The following PLCG2 variants were observed in gnomAD, a reference collection of about 807,000 sequenced individuals.
The protein encoded by PLCG2 is 1-phosphatidylinositol 4,5-bisphosphate phosphodiesterase gamma-2.
In PLCG2, 69 loss-of-function variants were observed where a neutral mutation model predicts 175.6. That is an observed-to-expected ratio of 0.39 (90% CI 0.32 to 0.48). The LOEUF is 0.48. Among genes scored for constraint, PLCG2 ranks in the 20% least tolerant of loss-of-function variants. The pLI, the probability that PLCG2 is intolerant of heterozygous loss-of-function variation, is 0.91. For missense variants in PLCG2, 1,798 were observed against 1,650.9 expected, an observed-to-expected ratio of 1.09 and a Z score of -1.54; for synonymous variants, 827 against 624.0, an observed-to-expected ratio of 1.33 and a Z score of -4.85.
At chr16:81,853,766 T>C (rs1427762981) in intron 2 of PLCG2, among the ~76,000 whole-genome samples, 1 of 152,144 alleles carries the variant, frequency 6.6e-6, no homozygotes, top group African/African-American at 2.4e-5. Flanking sequence ...CAGCTGGCTA[T>C]ATAAGGCATA....
chr16:81,852,936 T>C (rs971037356), intron 2 of PLCG2, among the ~76,000 whole-genome samples: 5 of 152,160 alleles, frequency 3.3e-5, no homozygotes, highest in South Asian at 4.1e-4. Context: ...TAGGGCTAAC[T>C]TGGGCTTCTT....
intron 2 of PLCG2, among the ~76,000 whole-genome samples, chr16:81,811,745 A>G (rs9806889): frequency 0.69 from 105,560 of 152,090 alleles, 37,138 homozygotes; most frequent in East Asian, 0.91. Flanking sequence ...TATATGTGCC[A>G]CATTTTCTTT....
upstream of PLCG2, among the ~76,000 whole-genome samples, chr16:81,778,055 C>A (rs866782684): frequency 0.027 from 1,549 of 56,468 alleles, 123 homozygotes; most frequent in African/African-American, 0.11. Flanking sequence ...AAAAAAAAAA[C>A]AAAAAAAACC....
At chr16:81,782,698 C>G (rs910723819) in intron 1 of PLCG2, among the ~76,000 whole-genome samples, 1 of 152,200 alleles carries the variant, frequency 6.6e-6, no homozygotes, top group Non-Finnish European at 1.5e-5. Context: ...AAGTTTTTCT[C>G]TTCAGTGCTC....
At chr16:81,793,731 C>G (rs1341228503) in intron 2 of PLCG2, among the ~76,000 whole-genome samples, 1 of 152,110 alleles carries the variant, frequency 6.6e-6, no homozygotes, top group Non-Finnish European at 1.5e-5. Context: ...TCACTGTGTC[C>G]TAGTCTCTGT....
chr16:81,739,443 G>A (rs528577477), intron 1 of PLCG2: 2 of 152,136 alleles, frequency 1.3e-5, no homozygotes, highest in East Asian at 1.9e-4. Flanking sequence ...CCTGGTAAGT[G>A]GCCTCTATTT....
intron 1 of PLCG2, among the ~76,000 whole-genome samples, chr16:81,754,244 C>T (rs898148147): frequency 1.3e-5 from 2 of 150,360 alleles, no homozygotes; most frequent in East Asian, 4.0e-4. Flanking sequence ...TCCACCCATC[C>T]CCACCTCCTT....
chr16:81,871,613 C>A (rs1036669543), intron 7 of PLCG2, among the ~76,000 whole-genome samples: 3 of 152,176 alleles, frequency 2.0e-5, no homozygotes, highest in Non-Finnish European at 4.4e-5. Context: ...GCTGGGATTA[C>A]AGGTGTGAGC....
chr16:81,951,899 T>C (rs544582942), intron 31 of PLCG2, among the ~76,000 whole-genome samples: 24 of 152,356 alleles, frequency 1.6e-4, no homozygotes, highest in Admixed American at 5.9e-4. Flanking sequence ...TATACAAATT[T>C]AAACTGTACA....
chr16:81,840,557 C>G (rs375339276), intron 2 of PLCG2, among the ~76,000 whole-genome samples: 6 of 152,178 alleles, frequency 3.9e-5, no homozygotes, highest in Non-Finnish European at 8.8e-5. Context: ...GAGACAGTGA[C>G]AGATCATCAG....
intron 10 of PLCG2, among the ~76,000 whole-genome samples, chr16:81,890,801 G>T (rs1335867283): frequency 6.6e-6 from 1 of 152,140 alleles, no homozygotes; most frequent in African/African-American, 2.4e-5. Flanking sequence ...ATTCTGATAT[G>T]GATAACACTC....
intron 2 of PLCG2, among the ~76,000 whole-genome samples, chr16:81,756,530 T>C (rs1909932697): frequency 6.6e-6 from 1 of 152,208 alleles, no homozygotes; most frequent in South Asian, 2.1e-4. Flanking sequence ...CCAGGTCATC[T>C]GAAACCAGAG....
intron 2 of PLCG2, among the ~76,000 whole-genome samples, chr16:81,772,282 C>T (rs138993289): frequency 5.9e-5 from 9 of 152,260 alleles, no homozygotes; most frequent in African/African-American, 2.2e-4. Context: ...AGCGCATGAT[C>T]ACCACCAACC....
intron 2 of PLCG2, among the ~76,000 whole-genome samples, chr16:81,826,634 G>A (rs1249357094): frequency 6.6e-6 from 1 of 152,174 alleles, no homozygotes; most frequent in Non-Finnish European, 1.5e-5. Flanking sequence ...GGTGATAGCA[G>A]CAGCCACTCA....
intron 5 of PLCG2, among the ~76,000 whole-genome samples, chr16:81,864,258 A>G (rs1285154927): frequency 6.6e-6 from 1 of 152,170 alleles, no homozygotes; most frequent in Non-Finnish European, 1.5e-5. Flanking sequence ...CTGGTCTGGG[A>G]GCTACTTAGA....
intron 7 of PLCG2, among the ~76,000 whole-genome samples, chr16:81,873,405 T>G (rs925221758): frequency 1.3e-4 from 20 of 152,246 alleles, no homozygotes; most frequent in African/African-American, 4.8e-4. Flanking sequence ...TTGAGAACAA[T>G]GACGTGTGTC....
intron 2 of PLCG2, among the ~76,000 whole-genome samples, chr16:81,816,702 A>G (rs969285313): frequency 3.6e-5 from 4 of 112,024 alleles, no homozygotes; most frequent in African/African-American, 7.3e-5. Flanking sequence ...GGATCTCACT[A>G]TGTTGTCTAG....
Position 81,903,694 on chromosome 16 carries a change from C to T in PLCG2, c.1363-1709C>T, listed in dbSNP as rs1291262578. On this transcript the variant is annotated intron_variant, in intron 14 of 32. Coordinates refer to ENST00000564138, the MANE Select transcript of PLCG2 (RefSeq NM_002661.5). ...TGGAGGGTCCATGGCTTCTCAGGCA[C>T]CTAGTTGGTGAGTCTTCGGGGCAGC... Among the ~76,000 whole-genome samples the T allele has an allele frequency of 5.3e-5, 8 of 152,124 alleles. 1 individual carries two copies. Among genetic ancestry groups the T allele is most frequent in the African/African-American group, 9.7e-5 (4 of 41,414 alleles).
chr16:81,958,934 C>G lies in PLCG2; in HGVS notation c.*936C>G, dbSNP rs1049266527. ...CAGTCTTCTGGAGCAGCAAGCTGAGCTTTAATGGGCTAAGCATTAGGGTGT... is the reference window on the plus strand; with the variant it reads ...CAGTCTTCTGGAGCAGCAAGCTGAGGTTTAATGGGCTAAGCATTAGGGTGT... On this transcript the variant is annotated 3_prime_UTR_variant, in exon 33 of 33. Coordinates refer to ENST00000564138, the MANE Select transcript of PLCG2 (RefSeq NM_002661.5). 2.3e-5 allele frequency: 5 copies of G among 222,178 alleles called. No homozygotes were observed. Among genetic ancestry groups the G allele is most frequent in the African/African-American group, 1.1e-4 (5 of 44,666 alleles). 13.8% of individuals were successfully genotyped at this position (222,178 alleles called of 1,614,324 possible).
Sources: allele counts gnomAD v4.1 joint callset (sites outside exome capture counted in the v4.1 genomes callset), GRCh38; gene constraint gnomAD v4.1.1; transcripts MANE v1.5; gene names NCBI Gene and HGNC (gene_info 2026-07-23, HGNC 2026-07-21).